SRRM3: variants seen among roughly 807,000 people sequenced by gnomAD.
SRRM3 encodes serine/arginine repetitive matrix protein 3.
A neutral mutation model predicts 66.2 loss-of-function variants in SRRM3; 27 were observed. The ratio of observed to expected loss-of-function variants is 0.41; its 90% CI spans 0.30 to 0.56. The LOEUF (loss-of-function observed/expected upper bound fraction) is 0.56, where lower values mean the gene tolerates loss of function less well. Ranked by LOEUF, SRRM3 falls within the 20% of genes least tolerant of loss-of-function variation. The pLI, the probability that SRRM3 is intolerant of heterozygous loss-of-function variation, is 0.32. For synonymous variants in SRRM3, 391 were observed against 414.9 expected (o/e 0.94, Z 0.70); for missense variants, 918 against 991.9 (o/e 0.93, Z 1.00).
chr7:76,233,695 G>C (rs1355197546), intron 1 of SRRM3, among the ~76,000 whole-genome samples: 1 of 152,194 alleles, frequency 6.6e-6, no homozygotes, highest in Non-Finnish European at 1.5e-5. Flanking sequence ...ATGCTCCCAG[G>C]AACAGGTGGA....
intron 2 of SRRM3, among the ~76,000 whole-genome samples, chr7:76,237,508 G>A (rs1361631856): frequency 6.6e-6 from 1 of 152,240 alleles, no homozygotes; most frequent in Non-Finnish European, 1.5e-5. Context: ...CCGCGAAGCA[G>A]AGGTTGCAGT....
At chr7:76,283,155 A>G in intron 14 of SRRM3, 54 bp downstream of exon 14, 1 of 1,352,582 alleles carries the variant, frequency 7.4e-7, no homozygotes, top group Non-Finnish European at 9.5e-7. Context: ...GCTGACCCGG[A>G]TCAGGGACAG....
Position 76,222,202 on chromosome 7 carries a change from G to C in SRRM3, c.-39-12826G>C, listed in dbSNP as rs1486306324. On this transcript the variant is annotated intron_variant, in intron 1 of 14. Coordinates refer to ENST00000611745, the MANE Select transcript of SRRM3 (RefSeq NM_001110199.3). ...AGGCCAAGGCAGGAGGGTTGCTTGA[G>C]TCCAGGAGTTAGAGACAAACTAGTG... is the stretch of plus-strand genomic sequence containing the variant. Among the ~76,000 whole-genome samples, 3 of 152,112 alleles carry C rather than the reference G, an allele frequency of 2.0e-5. No homozygotes were observed. In the East Asian group the frequency reaches 5.8e-4, roughly 29 times the overall value.
rs1243393227 is a variant in SRRM3, at chr7:76,263,875, G to GCCAAAAAAAAAAAAAAAAAA, written c.675-890_675-889insCCAAAAAAAAAAAAAAAAAA. Among the ~76,000 whole-genome samples the GCCAAAAAAAAAAAAAAAAAA allele has an allele frequency of 1.5e-4, 4 of 26,760 alleles. 1 individual carries two copies. Among genetic ancestry groups the GCCAAAAAAAAAAAAAAAAAA allele is most frequent in the Non-Finnish European group, 1.4e-4 (2 of 14,536 alleles). The allele number at this position is 26,760 out of a possible 152,430, so 17.6% of individuals were successfully genotyped here. A position where few individuals can be genotyped will look rare whatever the true frequency, so the allele number is the denominator to read the frequency against. ...GCAACAGAGCGGGACTCTGTCTCAA[G>GCCAAAAAAAAAAAAAAAAAA]ACAAAAAAAAAAAAAAAAAAAAAAA... On this transcript the variant is annotated intron_variant, in intron 8 of 14. Transcript: ENST00000611745.
chr7:76,228,216 C>T (rs888300271), intron 1 of SRRM3, among the ~76,000 whole-genome samples: 52 of 152,140 alleles, frequency 3.4e-4, no homozygotes, highest in African/African-American at 1.2e-3. Flanking sequence ...AAAATAAAAA[C>T]AAAACAAGAC....
chr7:76,236,769 C>CTCT (rs1394721805), intron 2 of SRRM3, among the ~76,000 whole-genome samples: 3 of 152,134 alleles, frequency 2.0e-5, no homozygotes, highest in Non-Finnish European at 2.9e-5. Flanking sequence ...GGAGGAGGCC[C>CTCT]CTTGCAGAGA....
rs781957562 is a variant in SRRM3, at chr7:76,282,842, G to C, written c.1565G>C (p.Arg522Pro). 3.2e-5 allele frequency: 47 copies of C among 1,454,114 alleles called. 1 individual carries two copies. The Middle Eastern group carries it at 1.2e-3, about 37-fold the overall frequency. 90.1% of individuals were successfully genotyped at this position (1,454,114 alleles called of 1,614,324 possible). ...GAGAAGCGGCCCCACAGCCCCAGCC[G>C]CTCGCCGTCGCCCAAGAAGCCCCTC... ...SAEKRPHSPS[R>P]SPSPKKPLSR... The change falls in exon 13 of 15, where the codon CGC becomes CCC. Residue 522 changes from arginine to proline, a missense_variant. Coordinates refer to ENST00000611745, the MANE Select transcript of SRRM3 (RefSeq NM_001110199.3).
intron 1 of SRRM3, among the ~76,000 whole-genome samples, chr7:76,211,857 A>ATTG (rs1298300966): frequency 6.2e-5 from 9 of 144,974 alleles, no homozygotes; most frequent in African/African-American, 2.3e-4. Context: ...TATTATTATT[A>ATTG]GAGACTAGGT....
chr7:76,219,252 G>T (rs1339115517), intron 1 of SRRM3, among the ~76,000 whole-genome samples: 6 of 152,206 alleles, frequency 3.9e-5, no homozygotes, highest in African/African-American at 1.4e-4. Context: ...GTCGGTCTGA[G>T]CTCCTGGCTT....
At chr7:76,250,914 ACC>A (rs1392494943) in intron 3 of SRRM3, among the ~76,000 whole-genome samples, 1 of 152,108 alleles carries the variant, frequency 6.6e-6, no homozygotes, top group East Asian at 1.9e-4. Context: ...CACTACCCCC[ACC>A]CAGGGCCCCT....
intron 1 of SRRM3, among the ~76,000 whole-genome samples, chr7:76,208,241 A>G (rs1348122949): frequency 2.0e-5 from 3 of 152,074 alleles, no homozygotes; most frequent in Non-Finnish European, 4.4e-5. Flanking sequence ...CAGAACTGGA[A>G]TCTGGTGGCT....
At chr7:76,247,851 C>T (rs556536354) in intron 2 of SRRM3, among the ~76,000 whole-genome samples, 8 of 152,280 alleles carry the variant, frequency 5.3e-5, no homozygotes, top group Admixed American at 4.6e-4. Context: ...CCCACCACCA[C>T]ATCCGGCTAA....
At chr7:76,243,995 C>G (rs1319955684) in intron 2 of SRRM3, among the ~76,000 whole-genome samples, 5 of 152,226 alleles carry the variant, frequency 3.3e-5, no homozygotes, top group Non-Finnish European at 7.3e-5. Flanking sequence ...ATGCCCGAGT[C>G]TGAGGGCCAC....
intron 8 of SRRM3, among the ~76,000 whole-genome samples, chr7:76,261,897 C>A (rs1381887403): frequency 6.6e-6 from 1 of 151,754 alleles, no homozygotes; most frequent in East Asian, 1.9e-4. Context: ...AACACCGAGA[C>A]CCTGAATTTG....
At chr7:76,264,743 C>A in intron 8 of SRRM3, 22 bp from the exon 9 acceptor site, 1 of 1,613,578 alleles carries the variant, frequency 6.2e-7, no homozygotes, top group Non-Finnish European at 8.5e-7. Flanking sequence ...CACACCATCA[C>A]TGTGGTCTCT....
chr7:76,247,057 G>A (rs1801460605), intron 2 of SRRM3, among the ~76,000 whole-genome samples: 2 of 152,218 alleles, frequency 1.3e-5, no homozygotes, highest in South Asian at 4.1e-4. Flanking sequence ...AAGACCTCCA[G>A]GGGCAGTGTG....
Position 76,282,804 on chromosome 7 carries a change from C to T in SRRM3, c.1527C>T (p.Arg509=), listed in dbSNP as rs1052770060. ...WSSSRSPSKS[R]SRSAEKRPHS... is the part of the protein sequence containing the mutation. ...CCAGCCGCTCGCCCTCCAAATCTCG[C>T]TCGCGCTCTGCGGAGAAGCGGCCCC... Residue 509 remains arginine, a synonymous_variant, in exon 13 of 15, where the codon CGC becomes CGT. Transcript: ENST00000611745. 3 of 1,466,326 alleles carry T rather than the reference C, an allele frequency of 2.0e-6. No individual in the cohort carries two copies. Among genetic ancestry groups the T allele is most frequent in the Middle Eastern group, 4.6e-4 (2 of 4,322 alleles). The allele number at this position is 1,466,326 out of a possible 1,614,324, so 90.8% of individuals were successfully genotyped here. A position where few individuals can be genotyped will look rare whatever the true frequency, so the allele number is the denominator to read the frequency against.
In SRRM3 at chr7:76,285,922, G is replaced by A. The variant is rs2117130617; in HGVS notation, c.*79G>A. The A allele has an allele frequency of 1.4e-6, 2 of 1,411,768 alleles. No homozygotes were observed. The highest frequency in any genetic ancestry group is 2.5e-5 in the East Asian group (1 of 39,902). The allele number at this position is 1,411,768 out of a possible 1,614,324, so 87.5% of individuals were successfully genotyped here. A position where few individuals can be genotyped will look rare whatever the true frequency, so the allele number is the denominator to read the frequency against. On this transcript the variant is annotated 3_prime_UTR_variant, in exon 15 of 15. Coordinates refer to ENST00000611745, the MANE Select transcript of SRRM3 (RefSeq NM_001110199.3). This position sits in a 1 kb window ranked among gnomAD's most constrained non-coding sequence, Gnocchi z 4.1. ...GGCCCCAGGACCCCAGTGGGGAGGG[G>A]GCTATATCTCCTTGCCCCCAAGGCT...
intron 2 of SRRM3, among the ~76,000 whole-genome samples, chr7:76,245,858 G>C (rs1466163416): frequency 6.6e-6 from 1 of 152,086 alleles, no homozygotes; most frequent in Non-Finnish European, 1.5e-5. Context: ...ACCACACTCA[G>C]CTAATTTTTT....
Sources: gnomAD v4.1 joint callset for allele counts (sites outside exome capture counted in the v4.1 genomes callset) on GRCh38, gnomAD v4.1.1 for gene constraint, Gnocchi (gnomAD v3.1) non-coding constraint, MANE v1.5 for transcripts, NCBI Gene and HGNC (gene_info 2026-07-23, HGNC 2026-07-21) for gene names.